USH2A: variants seen among roughly 807,000 people sequenced by gnomAD.
USH2A encodes Usher syndrome 2A (autosomal recessive, mild).
A neutral mutation model predicts 538.9 loss-of-function variants in USH2A; 443 were observed. That is an observed-to-expected ratio of 0.82 (90% CI 0.76 to 0.89). USH2A has a LOEUF of 0.89. Among genes scored for constraint, USH2A ranks in the 40% least tolerant of loss-of-function variants. The pLI, the probability that USH2A is intolerant of heterozygous loss-of-function variation, is 0.00. For synonymous variants in USH2A, 2,413 were observed against 2,273.5 expected (o/e 1.06, Z -1.75); for missense variants, 6,633 against 6,324.8 (o/e 1.05, Z -1.65).
At position 215,777,801 on chromosome 1, in the gene USH2A, G is replaced by T. The variant is rs145015759; in HGVS notation, c.10939+2042C>A. ...TACAGGCAGTGAATGCCTTGGATAC[G>T]CTGAGTAGGTTGGCTTTCTTCTTCA... On this transcript the variant is annotated intron_variant, in intron 55 of 71. Transcript: ENST00000307340. Among the ~76,000 whole-genome samples the T allele has an allele frequency of 2.0e-5, 3 of 152,278 alleles. No individual in the cohort carries two copies. In the East Asian group the frequency reaches 5.8e-4, roughly 29 times the overall value.
Position 216,072,869 on chromosome 1 carries a change from A to G in USH2A, c.5857+20T>C, listed in dbSNP as rs1312592196. On this transcript the variant is annotated intron_variant, in intron 29 of 71. Coordinates refer to ENST00000307340, the MANE Select transcript of USH2A (RefSeq NM_206933.4). ...TGCATGTGTGTGTGTGCACATATGCATTTGAAGATAAGTATTTACCTGCTC... is the reference window on the plus strand; with the variant it reads ...TGCATGTGTGTGTGTGCACATATGCGTTTGAAGATAAGTATTTACCTGCTC... 3 of 1,604,402 alleles carry G rather than the reference A, an allele frequency of 1.9e-6. No individual in the cohort carries two copies. The highest frequency in any genetic ancestry group is 1.7e-6 in the Non-Finnish European group (2 of 1,171,408).
At chr1:216,399,179 C>T (rs2039266435) in intron 3 of USH2A, among the ~76,000 whole-genome samples, 1 of 152,176 alleles carries the variant, frequency 6.6e-6, no homozygotes, top group Admixed American at 6.5e-5. Flanking sequence ...TCAACATCCA[C>T]CCAATATTAA....
At chr1:215,771,092 G>A (rs1661270981) in intron 55 of USH2A, among the ~76,000 whole-genome samples, 1 of 149,968 alleles carries the variant, frequency 6.7e-6, no homozygotes, top group East Asian at 2.0e-4. Flanking sequence ...CTGCCACTAT[G>A]CTCCAGCCTG....
intron 41 of USH2A, among the ~76,000 whole-genome samples, chr1:215,881,511 T>C (rs1404090331): frequency 6.6e-6 from 1 of 152,224 alleles, no homozygotes; most frequent in Non-Finnish European, 1.5e-5. Flanking sequence ...TAAGACCACA[T>C]TTATTATTGT....
intron 11 of USH2A, among the ~76,000 whole-genome samples, chr1:216,268,342 T>C (rs2102577008): frequency 6.6e-6 from 1 of 152,202 alleles, no homozygotes; most frequent in African/African-American, 2.4e-5. Context: ...TCTTCACGTA[T>C]TTATCAATAA....
At chr1:216,279,778 C>A (rs1414335335) in intron 11 of USH2A, among the ~76,000 whole-genome samples, 1 of 152,002 alleles carries the variant, frequency 6.6e-6, no homozygotes, top group Admixed American at 6.6e-5. Context: ...AAAAAAGTCC[C>A]AAGCAAGAAA....
At chr1:215,900,000 C>A in intron 40 of USH2A, 75 bp downstream of exon 40, 1 of 1,607,102 alleles carries the variant, frequency 6.2e-7, no homozygotes, top group Non-Finnish European at 8.5e-7. Flanking sequence ...CATTTCTTTG[C>A]TTTGGAAAAA....
intron 34 of USH2A, among the ~76,000 whole-genome samples, chr1:215,996,999 A>G (rs929601530): frequency 2.0e-5 from 3 of 152,140 alleles, no homozygotes; most frequent in African/African-American, 7.2e-5. Flanking sequence ...AAAATGATCT[A>G]TAAAGGCAAC....
intron 21 of USH2A, among the ~76,000 whole-genome samples, chr1:216,125,793 C>T (rs1259435046): frequency 2.0e-5 from 3 of 152,152 alleles, no homozygotes; most frequent in Admixed American, 2.0e-4. Context: ...TAAATCACTA[C>T]ACATTTCTTG....
chr1:215,986,314 T>TC (rs1667873605), intron 35 of USH2A, among the ~76,000 whole-genome samples: 1 of 102,454 alleles, frequency 9.8e-6, no homozygotes, highest in African/African-American at 4.9e-5. Context: ...CTTTTTCTTT[T>TC]TTTTTTTTTT....
intron 34 of USH2A, among the ~76,000 whole-genome samples, chr1:215,997,322 A>G (rs1239934767): frequency 6.6e-6 from 1 of 152,168 alleles, no homozygotes; most frequent in East Asian, 1.9e-4. Flanking sequence ...AACACTATTC[A>G]GCGGCTGACA....
At chr1:216,075,325 C>G (rs1490387916) in intron 27 of USH2A, among the ~76,000 whole-genome samples, 1 of 152,176 alleles carries the variant, frequency 6.6e-6, no homozygotes, top group Non-Finnish European at 1.5e-5. Context: ...GCTTTCAACT[C>G]TGTACCACCA....
At chr1:215,905,269 A>G (rs560088533) in intron 38 of USH2A, among the ~76,000 whole-genome samples, 1 of 152,196 alleles carries the variant, frequency 6.6e-6, no homozygotes, top group South Asian at 2.1e-4. Context: ...CTTTCTCAGG[A>G]CATCCCACCA....
intron 35 of USH2A, among the ~76,000 whole-genome samples, chr1:215,978,438 T>C (rs1667672796): frequency 6.6e-6 from 1 of 152,150 alleles, no homozygotes; most frequent in South Asian, 2.1e-4. Context: ...GTGAACATGC[T>C]CTGGTTCTCA....
chr1:216,217,917 A>G (rs2035375756), intron 14 of USH2A, among the ~76,000 whole-genome samples: 2 of 152,148 alleles, frequency 1.3e-5, no homozygotes, highest in South Asian at 4.1e-4. Flanking sequence ...TGTTCCTGTC[A>G]GCTAAACATT....
At chr1:215,984,926 A>T (rs1202903708) in intron 35 of USH2A, among the ~76,000 whole-genome samples, 1 of 152,206 alleles carries the variant, frequency 6.6e-6, no homozygotes, top group Non-Finnish European at 1.5e-5. Context: ...AAGAGAGAAG[A>T]GCTTTCACAT....
rs560583441 is a variant in USH2A, at chr1:215,966,203, G to A, written c.6958-724C>T. The stretch of plus-strand genomic sequence containing the variant: ...ACTCTGAAATAAAATGCAATCCCTA[G>A]CTGTACCGGGGTCAGGAAGATTTCA... On this transcript the variant is annotated intron_variant, in intron 36 of 71. Transcript: ENST00000307340. 1.8e-3 allele frequency among the ~76,000 whole-genome samples: 273 copies of A among 152,244 alleles called. 1 individual carries two copies. The highest frequency in any genetic ancestry group is 6.4e-3 in the African/African-American group (265 of 41,560).
intron 14 of USH2A, among the ~76,000 whole-genome samples, chr1:216,223,038 A>C (rs1014690480): frequency 4.0e-5 from 6 of 151,104 alleles, no homozygotes; most frequent in African/African-American, 1.5e-4. Flanking sequence ...AAATCAAGGA[A>C]ATGTTTTTTT....
chr1:215,681,904 T>G (rs1658242881), intron 61 of USH2A, among the ~76,000 whole-genome samples: 1 of 152,224 alleles, frequency 6.6e-6, no homozygotes, highest in Non-Finnish European at 1.5e-5. Flanking sequence ...AAACATTTGC[T>G]GAGCAATCAG....
Sources: allele counts gnomAD v4.1 joint callset (sites outside exome capture counted in the v4.1 genomes callset), GRCh38; gene constraint gnomAD v4.1.1; transcripts MANE v1.5; gene names NCBI Gene and HGNC (gene_info 2026-07-23, HGNC 2026-07-21).